GNAO1: variants seen among roughly 807,000 people sequenced by gnomAD.
GNAO1 encodes the protein guanine nucleotide-binding protein G(o) subunit alpha.
For missense variants in GNAO1, 166 were observed against 478.7 expected, an observed-to-expected ratio of 0.35 and a Z score of 6.10; for synonymous variants, 164 against 180.7, an observed-to-expected ratio of 0.91 and a Z score of 0.74.
chr16:56,293,229 G>A (rs1420077491), intron 3 of GNAO1, among the ~76,000 whole-genome samples: 2 of 152,266 alleles, frequency 1.3e-5, no homozygotes, highest in Non-Finnish European at 2.9e-5. Flanking sequence ...ATAGTGCTCA[G>A]GTGTGAATTT....
At chr16:56,296,378 A>G (rs889092349) in intron 3 of GNAO1, among the ~76,000 whole-genome samples, 2 of 152,224 alleles carry the variant, frequency 1.3e-5, no homozygotes, top group Admixed American at 1.3e-4. Flanking sequence ...GAGCTCAGCT[A>G]AACAAAGTCC....
At chr16:56,287,780 A>G (rs1459233590) in intron 3 of GNAO1, among the ~76,000 whole-genome samples, 2 of 151,690 alleles carry the variant, frequency 1.3e-5, no homozygotes, top group South Asian at 4.2e-4. Flanking sequence ...CTGGCTTTGC[A>G]GGAGTGGAGC....
intron 2 of GNAO1, among the ~76,000 whole-genome samples, chr16:56,239,699 A>C (rs1257866325): frequency 2.6e-5 from 4 of 152,254 alleles, no homozygotes; most frequent in Non-Finnish European, 5.9e-5. Flanking sequence ...TTCTGTATTC[A>C]GAGCAGATTG....
rs986946125 is a variant in GNAO1, at chr16:56,311,343, T to A, written c.304-17288T>A. 6.6e-6 allele frequency among the ~76,000 whole-genome samples: 1 copy of A among 152,050 alleles called. No individual in the cohort carries two copies. Among genetic ancestry groups the A allele is most frequent in the Non-Finnish European group, 1.5e-5 (1 of 67,980 alleles). On this transcript the variant is annotated intron_variant, in intron 3 of 8. Transcript: ENST00000262493. This position sits in a 1 kb window ranked among gnomAD's most constrained non-coding sequence, Gnocchi z 5.2. ...CTGAGCTGGTTCCCCCTGCCCCCAC[T>A]GGGTTAGGAGCTGCAGTGCCAACCT...
chr16:56,299,727 G>A (rs1211315414), intron 3 of GNAO1, among the ~76,000 whole-genome samples: 1 of 152,116 alleles, frequency 6.6e-6, no homozygotes, highest in Admixed American at 6.5e-5. Flanking sequence ...AATTTGCATG[G>A]GGAACTAGCA....
rs371111708 is a variant in GNAO1 at position 56,286,840 on chromosome 16, C to T, written c.303+10768C>T. ...GTTCCTGGGATAAGAGTGAATCCCC[C>T]AGAGGAAAACCAGAAGCTCCTGAAA... is the stretch of plus-strand genomic sequence containing the variant. On this transcript the variant is annotated intron_variant, in intron 3 of 8. Transcript: ENST00000262493. Among the ~76,000 whole-genome samples, 317 of 152,196 alleles carry T rather than the reference C, an allele frequency of 2.1e-3. 1 individual carries two copies. The highest frequency in any genetic ancestry group is 7.4e-3 in the African/African-American group (308 of 41,508).
intron 3 of GNAO1, among the ~76,000 whole-genome samples, chr16:56,279,764 C>T (rs1229766875): frequency 6.6e-6 from 1 of 152,194 alleles, no homozygotes; most frequent in African/African-American, 2.4e-5. Flanking sequence ...ATGAAAGCCG[C>T]GAGCCTTCCC....
chr16:56,288,894 A>T (rs984438396), intron 3 of GNAO1, among the ~76,000 whole-genome samples: 25 of 152,070 alleles, frequency 1.6e-4, no homozygotes, highest in African/African-American at 5.8e-4. Flanking sequence ...TTTTTCATCC[A>T]TTAGATCTGA....
intron 2 of GNAO1, among the ~76,000 whole-genome samples, chr16:56,252,866 G>A (rs1192050483): frequency 6.6e-6 from 1 of 152,116 alleles, no homozygotes; most frequent in Non-Finnish European, 1.5e-5. Flanking sequence ...GCATTGGCCT[G>A]TCCCCCCCAC....
rs184738189 is a variant in GNAO1 at position 56,284,231 on chromosome 16, C to G, written c.303+8159C>G. 2.0e-5 allele frequency among the ~76,000 whole-genome samples: 3 copies of G among 152,200 alleles called. No homozygotes were observed. The South Asian group carries it at 6.2e-4, about 31-fold the overall frequency. On this transcript the variant is annotated intron_variant, in intron 3 of 8. Transcript: ENST00000262493. ...CCGGTCTTGGGCAGAGATGCCAGCC[C>G]CAGAATGAGAAGGTAAACGCCTTGG...
At chr16:56,303,294 C>G (rs2037362587) in intron 3 of GNAO1, among the ~76,000 whole-genome samples, 1 of 152,228 alleles carries the variant, frequency 6.6e-6, no homozygotes, top group Admixed American at 6.5e-5. Context: ...CAGATGGACA[C>G]TTGGAGACCC....
intron 6 of GNAO1, among the ~76,000 whole-genome samples, chr16:56,343,177 C>G (rs2037822413): frequency 6.6e-6 from 1 of 151,140 alleles, no homozygotes; most frequent in Admixed American, 6.6e-5. Context: ...GGAAGTTTCA[C>G]AAAACGTGCT....
At chr16:56,294,340 T>TG (rs1235444154) in intron 3 of GNAO1, among the ~76,000 whole-genome samples, 1 of 105,432 alleles carries the variant, frequency 9.5e-6, no homozygotes, top group Non-Finnish European at 1.9e-5. Context: ...AGGCTTTGCT[T>TG]TAAAAAAAAA....
intron 3 of GNAO1, among the ~76,000 whole-genome samples, chr16:56,305,117 C>G (rs1195131605): frequency 6.6e-6 from 1 of 152,212 alleles, no homozygotes; most frequent in African/African-American, 2.4e-5. Flanking sequence ...CCTCTGCTTC[C>G]TGACCCCACT....
At chr16:56,331,518 C>G (rs564756487) in intron 4 of GNAO1, among the ~76,000 whole-genome samples, 1 of 152,116 alleles carries the variant, frequency 6.6e-6, no homozygotes, top group Non-Finnish European at 1.5e-5. Flanking sequence ...TCAGCCTCCT[C>G]CCACTCAGGG....
chr16:56,292,542 T>A (rs1422916686), intron 3 of GNAO1, among the ~76,000 whole-genome samples: 1 of 152,036 alleles, frequency 6.6e-6, no homozygotes, highest in African/African-American at 2.4e-5. Flanking sequence ...TTGTATTTTT[T>A]GTAGAGATAG....
At chr16:56,279,071 C>T (rs2037090726) in intron 3 of GNAO1, among the ~76,000 whole-genome samples, 1 of 152,114 alleles carries the variant, frequency 6.6e-6, no homozygotes, top group Non-Finnish European at 1.5e-5. Flanking sequence ...TCACCTCTGC[C>T]ACCCACCACC....
intron 3 of GNAO1, among the ~76,000 whole-genome samples, chr16:56,315,358 A>C (rs765251228): frequency 6.6e-5 from 10 of 152,092 alleles, no homozygotes; most frequent in African/African-American, 1.4e-4. Context: ...ATTTCTTAGA[A>C]ATTTTGTCTA....
chr16:56,303,402 A>G (rs557070223), intron 3 of GNAO1, among the ~76,000 whole-genome samples: 1 of 152,332 alleles, frequency 6.6e-6, no homozygotes, highest in South Asian at 2.1e-4. Flanking sequence ...GACCCCCACC[A>G]GCGAGGCTTG....
Sources: gnomAD v4.1 joint callset for allele counts (sites outside exome capture counted in the v4.1 genomes callset) on GRCh38, gnomAD v4.1.1 for gene constraint, Gnocchi (gnomAD v3.1) non-coding constraint, MANE v1.5 for transcripts, NCBI Gene and HGNC (gene_info 2026-07-23, HGNC 2026-07-21) for gene names.